Variants in ZNF888 observed in about 807,000 individuals in gnomAD.
ZNF888 encodes zinc finger protein 888, also known as CTD-2331H12.6.
ZNF888 carries 5 observed loss-of-function variants against 7.2 expected under a neutral mutation model. The observed-to-expected ratio is 0.70, with a 90% CI of 0.36 to 1.46. The LOEUF (loss-of-function observed/expected upper bound fraction) is 1.46. Among genes scored for constraint, ZNF888 ranks in the 40% most tolerant of loss-of-function variants. The pLI is 0.03. For missense variants in ZNF888, 716 were observed against 858.0 expected (o/e 0.83, Z 2.07); for synonymous variants, 240 against 284.3 (o/e 0.84, Z 1.57).
At chr19:52,911,881 A>G (rs71361288) in intron 4 of ZNF888, among the ~76,000 whole-genome samples, 5,783 of 151,664 alleles carry the variant, frequency 0.038, 173 homozygotes, top group South Asian at 0.061. Context: ...CAGTGGTGCA[A>G]TCTCAGCTCA....
At chr19:52,908,726 A>C (rs1352596861) in intron 4 of ZNF888, among the ~76,000 whole-genome samples, 3 of 151,964 alleles carry the variant, frequency 2.0e-5, no homozygotes, top group African/African-American at 7.3e-5. Context: ...CGTGCCTGTA[A>C]TCCCAGGTAC....
At chr19:52,917,178 T>C (rs932890805) in intron 3 of ZNF888, 16 of 154,656 alleles carry the variant, frequency 1.0e-4, no homozygotes, top group Admixed American at 2.5e-4. Flanking sequence ...TTCATTTCCA[T>C]TATATTTATT....
intron 4 of ZNF888, among the ~76,000 whole-genome samples, chr19:52,910,067 C>G (rs62117534): frequency 0.17 from 24,690 of 148,412 alleles, 2,630 homozygotes; most frequent in Non-Finnish European, 0.23. Flanking sequence ...GAGAATCACT[C>G]GACCCTGGAA....
At chr19:52,923,326 G>T (rs1600695741) in intron 1 of ZNF888, 43 bp downstream of exon 1, 1 of 985,600 alleles carries the variant, frequency 1.0e-6, no homozygotes, top group Admixed American at 6.2e-5. Context: ...AATTGCCGGG[G>T]ACCTGGAGGC....
chr19:52,909,790 A>G (rs1363083130), intron 4 of ZNF888, among the ~76,000 whole-genome samples: 1 of 152,214 alleles, frequency 6.6e-6, no homozygotes, highest in East Asian at 1.9e-4. Flanking sequence ...AGTACACAAC[A>G]TAAGAACAGA....
Position 52,906,187 on chromosome 19 carries a change from T to A in ZNF888, c.2135A>T (p.His712Leu). ...QSTLIHHQAI[H>L]GVGKLD Reference sequence around the variant, plus strand: ...ACATTAGTCAAGTTTCCCTACACCATGGATTGCCTGATGGTGAATAAGTGT... The same window carrying A: ...ACATTAGTCAAGTTTCCCTACACCAAGGATTGCCTGATGGTGAATAAGTGT... The change falls in exon 5 of 5, where the codon CAT (histidine) becomes CTT (leucine). Residue 712 changes from histidine (H) to leucine (L), a missense_variant. This residue lies in a region of ZNF888 where 697 missense variants were observed against 803.4 expected (regional missense o/e 0.87). Coordinates refer to ENST00000638862, the MANE Select transcript of ZNF888 (RefSeq NM_001393938.1). The A allele has an allele frequency of 6.2e-7, 1 of 1,611,494 alleles. No homozygotes were observed. The highest frequency in any genetic ancestry group is 8.5e-7 in the Non-Finnish European group (1 of 1,178,510).
chr19:52,923,343 T>G (rs1471302585), intron 1 of ZNF888, 26 bp downstream of exon 1: 1 of 985,774 alleles, frequency 1.0e-6, no homozygotes. Flanking sequence ...AGGCACAGCC[T>G]CAATACAACA....
intron 1 of ZNF888, among the ~76,000 whole-genome samples, chr19:52,919,917 G>A (rs1376728068): frequency 5.2e-5 from 3 of 57,278 alleles, no homozygotes; most frequent in East Asian, 3.2e-4. Flanking sequence ...GAGCCCCTCC[G>A]TCCGGCAGCC....
intron 1 of ZNF888, among the ~76,000 whole-genome samples, chr19:52,919,320 G>A (rs544129224): frequency 3.2e-5 from 2 of 63,276 alleles, no homozygotes; most frequent in Admixed American, 2.1e-4. Flanking sequence ...GGCGCGCGCC[G>A]CCACGCCTGA....
At position 52,906,509 on chromosome 19, in the gene ZNF888, G is replaced by T; in HGVS notation, c.1813C>A (p.Pro605Thr). 2 of 1,613,696 alleles carry T rather than the reference G, an allele frequency of 1.2e-6. No homozygotes were observed. Among genetic ancestry groups the T allele is most frequent in the Non-Finnish European group, 1.7e-6 (2 of 1,179,790 alleles). ...CHHRLHTGEKPYKCEECDKVF... is the reference protein window; with the variant it reads ...CHHRLHTGEKTYKCEECDKVF... ...TTGTCACATTCTTCACATTTGTAAG[G>T]TTTCTCTCCAGTATGAAGTCTATGA... is the stretch of plus-strand genomic sequence containing the variant. The change falls in exon 5 of 5, where the codon CCT (proline) becomes ACT (threonine). Residue 605 changes from proline to threonine, a missense_variant. Around this residue, in one of 2 missense-constraint regions of ZNF888, gnomAD observed 697 missense variants for 803.4 expected, o/e 0.87. Transcript: ENST00000638862.
rs1305092078 is a variant in ZNF888, at chr19:52,908,002, C to A, written c.320G>T (p.Gly107Val). 5.0e-6 allele frequency: 8 copies of A among 1,613,948 alleles called. No homozygotes were observed. In the Admixed American group the frequency reaches 8.3e-5, roughly 17 times the overall value. ...VFQWQEDETNGHEAPMTEIKE... is the reference protein window; with the variant it reads ...VFQWQEDETNVHEAPMTEIKE... ...GATTTCTGTCATGGGTGCTTCATGG[C>A]CATTTGTTTCATCTTCTTGCCACTG... is the stretch of plus-strand genomic sequence containing the variant. The change falls in exon 5 of 5, where the codon GGC (glycine) becomes GTC (valine). Residue 107 changes from glycine to valine, a missense_variant. Physicochemically the swap from Gly to Val is moderately radical, Grantham distance 109. Transcript: ENST00000638862.
At chr19:52,916,627 T>C (rs866060445) in intron 3 of ZNF888, among the ~76,000 whole-genome samples, 28 of 142,130 alleles carry the variant, frequency 2.0e-4, no homozygotes, top group African/African-American at 3.1e-4. Flanking sequence ...TATATATATA[T>C]ATATATATAT....
chr19:52,920,522 A>G (rs1568423842), intron 1 of ZNF888, among the ~76,000 whole-genome samples: 6 of 37,654 alleles, frequency 1.6e-4, no homozygotes, highest in African/African-American at 2.2e-4. Flanking sequence ...AAAAAGAAAA[A>G]AAAAGAAAAG....
chr19:52,918,134 C>T (rs76201701), intron 2 of ZNF888: 59,700 of 1,379,058 alleles, frequency 0.043, 1,515 homozygotes, highest in African/African-American at 0.08. Context: ...ACACACGCTG[C>T]AGCAGTAGGG....
Position 52,906,364 on chromosome 19 carries a change from T to C in ZNF888, c.1958A>G (p.Gln653Arg), listed in dbSNP as rs2064607613. The C allele has an allele frequency of 1.2e-6, 2 of 1,612,798 alleles. No homozygotes were observed. The change falls in exon 5 of 5, where the codon CAG becomes CGG. Residue 653 changes from glutamine to arginine, a missense_variant. By Grantham distance (43) the Gln-to-Arg change is conservative (BLOSUM62 1). Coordinates refer to ENST00000638862, the MANE Select transcript of ZNF888 (RefSeq NM_001393938.1). ...TGGTTTCTCTCCAGTGTGAACTCTC[T>C]GATGTTGTGCAAGGTATGAATCACG... ...FGRDSYLAQH[Q>R]RVHTGEKPYK... is the part of the protein sequence containing the mutation.
intron 1 of ZNF888, among the ~76,000 whole-genome samples, chr19:52,920,489 C>CAAAAAAAAAAAAAAAAAAAAAAA (rs1191621530): frequency 1.5e-4 from 1 of 6,868 alleles, no homozygotes; most frequent in African/African-American, 3.9e-4. Flanking sequence ...TGCTTGAAGG[C>CAAAAAAAAAAAAAAAAAAAAAAA]AAAAAAAAAA....
rs1374868959 is a variant in ZNF888 at position 52,914,435 on chromosome 19, A to T, written c.142+761T>A. ...TACTTATAAAAAGAAAGGACCATGA[A>T]GTGCTGGAGCTTTTCTAGAGTCCCA... is the stretch of plus-strand genomic sequence containing the variant. On this transcript the variant is annotated intron_variant, in intron 4 of 4. Coordinates refer to ENST00000638862, the MANE Select transcript of ZNF888 (RefSeq NM_001393938.1). 12 of 809,282 alleles carry T rather than the reference A, an allele frequency of 1.5e-5. 1 individual carries two copies. The highest frequency in any genetic ancestry group is 1.3e-4 in the African/African-American group (7 of 53,980). 50.1% of individuals were successfully genotyped at this position (809,282 alleles called of 1,614,324 possible).
At chr19:52,913,881 T>G (rs938635745) in intron 4 of ZNF888, 24 of 365,630 alleles carry the variant, frequency 6.6e-5, no homozygotes, top group Non-Finnish European at 8.7e-5. Flanking sequence ...ATCCCAGCCC[T>G]TTGGGAAGCT....
intron 1 of ZNF888, among the ~76,000 whole-genome samples, chr19:52,920,015 G>A (rs1381230191): frequency 1.9e-5 from 1 of 53,640 alleles, no homozygotes; most frequent in African/African-American, 7.5e-5. Context: ...CGCCCCTACT[G>A]GGAAGTGAGG....
Sources: gnomAD v4.1 joint callset for allele counts (sites outside exome capture counted in the v4.1 genomes callset) on GRCh38, gnomAD v4.1.1 for gene constraint, gnomAD v4.1.1 regional missense constraint, MANE v1.5 for transcripts, NCBI Gene and HGNC (gene_info 2026-07-23, HGNC 2026-07-21) for gene names.